The following GRIA3 variants were observed in gnomAD, a reference collection of about 807,000 sequenced individuals.
The protein encoded by GRIA3 is glutamate ionotropic receptor AMPA type subunit 3.
Under a neutral mutation model 63.0 loss-of-function variants are expected in GRIA3, and 3 were observed. The ratio of observed to expected loss-of-function variants is 0.05; its 90% CI spans 0.02 to 0.12. The LOEUF (loss-of-function observed/expected upper bound fraction) is 0.12. Among genes scored for constraint, GRIA3 ranks in the 10% least tolerant of loss-of-function variants. The pLI, the probability that GRIA3 is intolerant of heterozygous loss-of-function variation, is 1.00. For missense variants in GRIA3, 347 were observed against 700.9 expected, an observed-to-expected ratio of 0.50 and a Z score of 5.70; for synonymous variants, 274 against 257.9, an observed-to-expected ratio of 1.06 and a Z score of -0.60.
intron 5 of GRIA3, among the ~76,000 whole-genome samples, chrX:123,360,780 A>C (rs1212726625): frequency 9.6e-6 from 1 of 103,686 alleles, no homozygotes; most frequent in Non-Finnish European, 2.0e-5. Context: ...GTATCTTAAC[A>C]GGCATCAATT....
At chrX:123,403,380 AG>A (rs2045453617) in intron 8 of GRIA3, 31 bp from the exon 9 acceptor site, 1 of 911,963 alleles carries the variant, frequency 1.1e-6, no homozygotes, top group Non-Finnish European at 1.6e-6. Context: ...AGGGAAAAAT[AG>A]GCATCCAGGT....
At chrX:123,235,527 A>T (rs1436370805) in intron 2 of GRIA3, among the ~76,000 whole-genome samples, 1 of 111,517 alleles carries the variant, frequency 9.0e-6, no homozygotes, top group Non-Finnish European at 1.9e-5. Context: ...ACTGATGAAC[A>T]TGAAACACAA....
intron 5 of GRIA3, among the ~76,000 whole-genome samples, chrX:123,389,328 AC>A (rs1569429072): frequency 8.9e-6 from 1 of 111,787 alleles, no homozygotes; most frequent in Non-Finnish European, 1.9e-5. Flanking sequence ...TCAAGTTCTC[AC>A]CTATTTTCGT....
chrX:123,407,550 G>A (rs948863073), intron 10 of GRIA3, among the ~76,000 whole-genome samples: 3 of 109,607 alleles, frequency 2.7e-5, no homozygotes, highest in Non-Finnish European at 5.7e-5. Flanking sequence ...AAGGGTAAGG[G>A]GTCCCTCTTG....
chrX:123,468,275 T>G (rs755412227), intron 13 of GRIA3, among the ~76,000 whole-genome samples: 1 of 108,662 alleles, frequency 9.2e-6, no homozygotes, highest in South Asian at 4.1e-4. Flanking sequence ...TACCACTACG[T>G]ATTAGTGATG....
At chrX:123,294,115 T>C (rs2044671856) in intron 3 of GRIA3, among the ~76,000 whole-genome samples, 1 of 111,119 alleles carries the variant, frequency 9.0e-6, no homozygotes, top group Admixed American at 9.6e-5. Context: ...AGTGTTTTTA[T>C]ATACTTTTTA....
intron 2 of GRIA3, among the ~76,000 whole-genome samples, chrX:123,243,827 T>C (rs757890885): frequency 9.0e-6 from 1 of 111,252 alleles, no homozygotes; most frequent in Non-Finnish European, 1.9e-5. Flanking sequence ...AAGCAAAAAA[T>C]TAAAGCCCAC....
chrX:123,220,362 T>A (rs1431810369), intron 2 of GRIA3, among the ~76,000 whole-genome samples: 2 of 112,216 alleles, frequency 1.8e-5, no homozygotes, highest in Non-Finnish European at 3.8e-5. Context: ...CATATATAGA[T>A]AGCTTGAAGA....
At chrX:123,406,031 T>C (rs2045472044) in intron 10 of GRIA3, among the ~76,000 whole-genome samples, 1 of 112,559 alleles carries the variant, frequency 8.9e-6, no homozygotes, top group Non-Finnish European at 1.9e-5. Context: ...AGAATTAATA[T>C]GGGCAATTAG....
chrX:123,204,677 C>A (rs867671596), intron 2 of GRIA3: 1 of 1,031,821 alleles, frequency 9.7e-7, no homozygotes, highest in East Asian at 3.6e-5. Context: ...TTAATTTATT[C>A]CTCAAATCCT....
intron 12 of GRIA3, among the ~76,000 whole-genome samples, chrX:123,463,724 G>GAAGAGAGAGAA (rs1569440963): frequency 1.4e-5 from 1 of 72,391 alleles, no homozygotes; most frequent in Non-Finnish European, 2.7e-5. Flanking sequence ...AAGAAAGAAA[G>GAAGAGAGAGAA]AGAAAGAAGA....
chrX:123,251,033 T>C (rs2044386570), intron 2 of GRIA3, among the ~76,000 whole-genome samples: 1 of 111,780 alleles, frequency 8.9e-6, no homozygotes. Context: ...AACAGTTTTT[T>C]TGGTCTCAGA....
At chrX:123,244,939 TC>T (rs887758114) in intron 2 of GRIA3, among the ~76,000 whole-genome samples, 2 of 112,322 alleles carry the variant, frequency 1.8e-5, no homozygotes, top group Non-Finnish European at 3.8e-5. Flanking sequence ...TTTTGATTGA[TC>T]AGTTGAAACA....
chrX:123,371,881 T>A (rs932093615), intron 5 of GRIA3, among the ~76,000 whole-genome samples: 11 of 111,453 alleles, frequency 9.9e-5, no homozygotes, highest in African/African-American at 1.6e-4. Context: ...TTTAACTTAA[T>A]GTGATCCCAT....
chrX:123,202,957 C>T (rs185615254), intron 2 of GRIA3, among the ~76,000 whole-genome samples: 1 of 112,256 alleles, frequency 8.9e-6, no homozygotes, highest in East Asian at 2.8e-4. Flanking sequence ...ACATATGGAA[C>T]CCCTTAGCCC....
chrX:123,403,779 G>A (rs928002382), intron 9 of GRIA3, among the ~76,000 whole-genome samples: 13 of 111,311 alleles, frequency 1.2e-4, no homozygotes, highest in African/African-American at 3.6e-4. Context: ...ATGCCCGCCC[G>A]CATAGGACTG....
At position 123,417,942 on chromosome X, in the gene GRIA3, G is replaced by T. The variant is rs757482101; in HGVS notation, c.1877+164G>T. 9 of 521,646 alleles carry T rather than the reference G, an allele frequency of 1.7e-5. No individual in the cohort carries two copies. The South Asian group carries it at 2.5e-4, about 14-fold the overall frequency. The allele number at this position is 521,646 out of a possible 1,213,427, so 43.0% of individuals were successfully genotyped here. A position where few individuals can be genotyped will look rare whatever the true frequency, so the allele number is the denominator to read the frequency against. Reference sequence around the variant, plus strand: ...TTGTGTTTGCTTATGTCCATGAAGTGAGTGTGTCATTGGTGTTGCTTTGAA... The same window carrying T: ...TTGTGTTTGCTTATGTCCATGAAGTTAGTGTGTCATTGGTGTTGCTTTGAA... On this transcript the variant is annotated intron_variant, in intron 11 of 15. Transcript: ENST00000620443.
chrX:123,263,652 G>C (rs773374116), intron 3 of GRIA3, among the ~76,000 whole-genome samples: 2 of 112,035 alleles, frequency 1.8e-5, no homozygotes, highest in East Asian at 5.7e-4. Context: ...ATGGGTCTCC[G>C]TTTTGTTAAC....
intron 2 of GRIA3, among the ~76,000 whole-genome samples, chrX:123,240,736 A>T (rs1479658041): frequency 1.8e-5 from 2 of 111,791 alleles, no homozygotes; most frequent in Admixed American, 1.9e-4. Flanking sequence ...GAGTTTCCCA[A>T]TTCTTCTGGT....
Sources: allele counts gnomAD v4.1 joint callset (sites outside exome capture counted in the v4.1 genomes callset), GRCh38; gene constraint gnomAD v4.1.1; transcripts MANE v1.5; gene names NCBI Gene and HGNC (gene_info 2026-07-23, HGNC 2026-07-21).